PAG1: variants seen among roughly 807,000 people sequenced by gnomAD.
PAG1 encodes phosphoprotein associated with glycosphingolipid-enriched microdomains 1.
In PAG1, 23 loss-of-function variants were observed where a neutral mutation model predicts 31.7. The observed-to-expected ratio is 0.73, with a 90% CI of 0.52 to 1.03. The LOEUF (loss-of-function observed/expected upper bound fraction) is 1.03, where lower values mean the gene tolerates loss of function less well. Ranked by LOEUF, PAG1 falls within the 50% of genes least tolerant of loss-of-function variation. The pLI is 0.00. For missense variants in PAG1, 473 were observed against 540.7 expected, an observed-to-expected ratio of 0.87 and a Z score of 1.24; for synonymous variants, 214 against 210.3, an observed-to-expected ratio of 1.02 and a Z score of -0.15.
At chr8:81,062,069 TCAA>T (rs1387296175) in intron 2 of PAG1, among the ~76,000 whole-genome samples, 1 of 152,178 alleles carries the variant, frequency 6.6e-6, no homozygotes, top group African/African-American at 2.4e-5. Flanking sequence ...TTAAAATGAG[TCAA>T]CAATTACAAT....
intron 2 of PAG1, among the ~76,000 whole-genome samples, chr8:81,052,948 G>A (rs112335650): frequency 1.3e-5 from 2 of 152,332 alleles, no homozygotes; most frequent in African/African-American, 2.4e-5. Context: ...ATAAGACAAT[G>A]AGCGGATATT....
chr8:80,988,607 T>G (rs1298577735), intron 5 of PAG1, among the ~76,000 whole-genome samples: 1 of 152,216 alleles, frequency 6.6e-6, no homozygotes. Context: ...ACTACAGGTA[T>G]GCACCACTAT....
intron 3 of PAG1, among the ~76,000 whole-genome samples, chr8:81,012,830 C>A (rs576374393): frequency 6.6e-6 from 1 of 152,234 alleles, no homozygotes; most frequent in Non-Finnish European, 1.5e-5. Flanking sequence ...CAAAAGGAAA[C>A]CCTGGGCACT....
chr8:80,976,920 G>A lies in PAG1; in HGVS notation c.937-14C>T, dbSNP rs763545713. 6.3e-7 allele frequency: 1 copy of A among 1,580,676 alleles called. No homozygotes were observed. The highest frequency in any genetic ancestry group is 2.2e-5 in the East Asian group (1 of 44,642). ...CATAGCTGAGATCTAGGAGACAAAG[G>A]GAGAGTTGAATAAACTTCCAGCTGT... On this transcript the variant is annotated splice_polypyrimidine_tract_variant and intron_variant, in intron 8 of 8. Transcript: ENST00000220597.
intron 2 of PAG1, among the ~76,000 whole-genome samples, chr8:81,033,555 T>C (rs780555837): frequency 2.6e-5 from 4 of 152,204 alleles, no homozygotes; most frequent in Non-Finnish European, 5.9e-5. Context: ...TAGTCAAACA[T>C]GACCTCTCCC....
Position 80,984,795 on chromosome 8 carries a change from G to A in PAG1, c.857C>T (p.Thr286Met), listed in dbSNP as rs762721033. 9.9e-6 allele frequency: 16 copies of A among 1,613,626 alleles called. No homozygotes were observed. Among genetic ancestry groups the A allele is most frequent in the South Asian group, 2.2e-5 (2 of 91,042 alleles). ...GGEAEESATD[T>M]TSETNKRFSS... The stretch of plus-strand genomic sequence containing the variant: ...GCCCACCTTGTTAGTTTCACTGGTC[G>A]TGTCTGTGGCACTCTCTTCCGCCTC... The change falls in exon 7 of 9, where the codon ACG (threonine) becomes ATG (methionine). Residue 286 changes from threonine (T) to methionine (M), a missense_variant. Transcript: ENST00000220597.
At chr8:81,003,791 T>C (rs538000135) in intron 3 of PAG1, among the ~76,000 whole-genome samples, 41 of 151,876 alleles carry the variant, frequency 2.7e-4, no homozygotes, top group African/African-American at 9.9e-4. Context: ...AAGGAGAATG[T>C]TGCTCCAGCA....
chr8:81,086,294 T>C (rs1270771711), intron 1 of PAG1, among the ~76,000 whole-genome samples: 1 of 152,170 alleles, frequency 6.6e-6, no homozygotes, highest in African/African-American at 2.4e-5. Flanking sequence ...CTGGCTTGTT[T>C]TTACAGGCTA....
chr8:81,083,731 C>T (rs1365215442), intron 1 of PAG1, among the ~76,000 whole-genome samples: 1 of 152,118 alleles, frequency 6.6e-6, no homozygotes, highest in Non-Finnish European at 1.5e-5. Flanking sequence ...CTGCCTTCTT[C>T]ATCAGGAATA....
chr8:81,078,715 A>G (rs1055738735), intron 1 of PAG1, among the ~76,000 whole-genome samples: 1 of 152,176 alleles, frequency 6.6e-6, no homozygotes, highest in South Asian at 2.1e-4. Context: ...GCAATTGACA[A>G]AAGAAAAATT....
At chr8:81,038,784 C>A (rs544448678) in intron 2 of PAG1, among the ~76,000 whole-genome samples, 115 of 152,230 alleles carry the variant, frequency 7.6e-4, no homozygotes, top group African/African-American at 2.7e-3. Flanking sequence ...TGTACACTCT[C>A]GCATGACTTA....
rs1807066951 is a variant in PAG1, at chr8:80,971,028, G to A, written c.*5516C>T. The A allele has an allele frequency of 6.6e-6, 1 of 152,456 alleles. No individual in the cohort carries two copies. The highest frequency in any genetic ancestry group is 6.5e-5 in the Admixed American group (1 of 15,284). The allele number at this position is 152,456 out of a possible 1,614,324, so 9.4% of individuals were successfully genotyped here. ...AGGTGGGAGGAAATAGTGACTTCAT[G>A]GCCTCATTCTTTAGACTTACTCCTT... On this transcript the variant is annotated 3_prime_UTR_variant, in exon 9 of 9. Coordinates refer to ENST00000220597, the MANE Select transcript of PAG1 (RefSeq NM_018440.4).
chr8:81,058,459 G>T (rs908573363), intron 2 of PAG1: 1 of 152,242 alleles, frequency 6.6e-6, no homozygotes, highest in Non-Finnish European at 1.5e-5. Context: ...TTGATTTGGG[G>T]GTCCTTTTAA....
rs1484939832 is a variant in PAG1 at position 81,103,200 on chromosome 8, CAT to C, written c.-234+8389_-234+8390del. Among the ~76,000 whole-genome samples, 48 of 149,592 alleles carry C rather than the reference CAT, an allele frequency of 3.2e-4. 1 individual carries two copies. The highest frequency in any genetic ancestry group is 1.1e-3 in the African/African-American group (46 of 40,706). On this transcript the variant is annotated intron_variant, in intron 1 of 8. Transcript: ENST00000220597. ...ATTTTCCCCCAATCTAACTTAATCA[CAT>C]ATATTTGCATAAATAACCTGTGGCC...
chr8:81,106,170 CGA>C (rs1195795486), intron 1 of PAG1, among the ~76,000 whole-genome samples: 4 of 152,060 alleles, frequency 2.6e-5, no homozygotes, highest in African/African-American at 7.2e-5. Flanking sequence ...CTCAGCCTTC[CGA>C]GTAGCTTGGA....
chr8:80,997,977 T>C (rs1027794489), intron 3 of PAG1, among the ~76,000 whole-genome samples: 2 of 152,198 alleles, frequency 1.3e-5, no homozygotes, highest in African/African-American at 2.4e-5. Context: ...AGGACTTTCA[T>C]TGGGGATTCT....
chr8:81,012,634 T>C (rs976713977), intron 3 of PAG1, among the ~76,000 whole-genome samples: 2 of 152,262 alleles, frequency 1.3e-5, no homozygotes, highest in Non-Finnish European at 2.9e-5. Context: ...TCTTCTATTA[T>C]GATTTATAAT....
At chr8:81,092,902 A>T (rs1420777285) in intron 1 of PAG1, among the ~76,000 whole-genome samples, 1 of 152,216 alleles carries the variant, frequency 6.6e-6, no homozygotes, top group African/African-American at 2.4e-5. Flanking sequence ...CTTGTATCAG[A>T]TCTCTCTTTA....
At chr8:81,069,439 C>T (rs931864857) in intron 2 of PAG1, among the ~76,000 whole-genome samples, 3 of 152,124 alleles carry the variant, frequency 2.0e-5, no homozygotes, top group East Asian at 1.9e-4. Context: ...CATAGTGCTT[C>T]GAAGTCCAGG....
Sources: allele counts gnomAD v4.1 joint callset (sites outside exome capture counted in the v4.1 genomes callset), GRCh38; gene constraint gnomAD v4.1.1; transcripts MANE v1.5; gene names NCBI Gene and HGNC (gene_info 2026-07-23, HGNC 2026-07-21).